The following SLC24A2 variants were observed in gnomAD, a reference collection of about 807,000 sequenced individuals.
SLC24A2 encodes the protein sodium/potassium/calcium exchanger 2.
In SLC24A2, 36 loss-of-function variants were observed where a neutral mutation model predicts 62.0. That is an observed-to-expected ratio of 0.58 (90% CI 0.44 to 0.77). SLC24A2 has a LOEUF of 0.77. Among genes scored for constraint, SLC24A2 ranks in the 30% least tolerant of loss-of-function variants. The pLI, the probability that SLC24A2 is intolerant of heterozygous loss-of-function variation, is 0.00. For missense variants in SLC24A2, 846 were observed against 817.9 expected (o/e 1.03, Z -0.42); for synonymous variants, 358 against 294.0 (o/e 1.22, Z -2.23).
At chr9:20,251,617 A>G in the SLC24A2 span, among the ~76,000 whole-genome samples, 1 of 152,236 alleles carries the variant, frequency 6.6e-6, no homozygotes, top group Admixed American at 6.5e-5. Context: ...ATTACGTAAT[A>G]AACTGGTCAA....
chr9:20,030,700 C>T, the SLC24A2 span, among the ~76,000 whole-genome samples: 2,255 of 152,250 alleles, frequency 0.015, 57 homozygotes, highest in African/African-American at 0.052. Context: ...GTAAATACTA[C>T]CTCATTTAAT....
the SLC24A2 span, among the ~76,000 whole-genome samples, chr9:19,799,047 A>C: frequency 1.4e-4 from 21 of 152,278 alleles, no homozygotes; most frequent in Middle Eastern, 6.8e-3. Flanking sequence ...AAGCTTCTAC[A>C]CTATTCTACT....
chr9:19,593,197 G>C (rs1390780046), intron 5 of SLC24A2, among the ~76,000 whole-genome samples: 2 of 152,214 alleles, frequency 1.3e-5, no homozygotes, highest in African/African-American at 2.4e-5. Context: ...CCACTGGGCT[G>C]TTCCAGCACC....
At chr9:20,013,379 C>A in the SLC24A2 span, among the ~76,000 whole-genome samples, 1 of 152,064 alleles carries the variant, frequency 6.6e-6, no homozygotes, top group Non-Finnish European at 1.5e-5. Context: ...AAAATTAGAG[C>A]CTTATAGCCT....
the SLC24A2 span, among the ~76,000 whole-genome samples, chr9:20,216,991 T>A: frequency 6.6e-6 from 1 of 152,166 alleles, no homozygotes; most frequent in Non-Finnish European, 1.5e-5. Context: ...TGGTTAGAAC[T>A]GAATCAAATG....
chr9:19,600,434 C>G (rs1363654186), intron 4 of SLC24A2, among the ~76,000 whole-genome samples: 1 of 152,182 alleles, frequency 6.6e-6, no homozygotes, highest in Non-Finnish European at 1.5e-5. Flanking sequence ...GATGTAACAA[C>G]TCCCAATTGT....
the SLC24A2 span, among the ~76,000 whole-genome samples, chr9:20,164,986 G>C: frequency 8.5e-6 from 1 of 118,336 alleles, no homozygotes. Context: ...GACTGTTGTG[G>C]GGTGGGGGGA....
At chr9:19,844,915 G>T in the SLC24A2 span, among the ~76,000 whole-genome samples, 1 of 147,854 alleles carries the variant, frequency 6.8e-6, no homozygotes, top group African/African-American at 2.5e-5. Flanking sequence ...TTTGGTTTCT[G>T]TAGCCTTAGT....
chr9:19,590,557 C>T (rs1836521013), intron 5 of SLC24A2, among the ~76,000 whole-genome samples: 1 of 152,128 alleles, frequency 6.6e-6, no homozygotes, highest in African/African-American at 2.4e-5. Flanking sequence ...TCTACCCAAG[C>T]GGACTTCCTG....
chr9:20,166,492 G>C, the SLC24A2 span, among the ~76,000 whole-genome samples: 1 of 151,886 alleles, frequency 6.6e-6, no homozygotes, highest in Non-Finnish European at 1.5e-5. Flanking sequence ...GAAGATCTCT[G>C]TAAATTGATA....
the SLC24A2 span, among the ~76,000 whole-genome samples, chr9:20,167,313 T>A: frequency 3.3e-5 from 5 of 151,974 alleles, no homozygotes; most frequent in African/African-American, 1.2e-4. Flanking sequence ...CTGAAAAAAT[T>A]TTTTGTGTCT....
At chr9:20,016,109 G>C in the SLC24A2 span, among the ~76,000 whole-genome samples, 3 of 152,280 alleles carry the variant, frequency 2.0e-5, no homozygotes, top group African/African-American at 7.2e-5. Context: ...TGAACTATAA[G>C]AGGAATGTAT....
chr9:19,888,350 C>T, the SLC24A2 span, among the ~76,000 whole-genome samples: 1 of 152,080 alleles, frequency 6.6e-6, no homozygotes, highest in Non-Finnish European at 1.5e-5. Context: ...GCCCTTATTT[C>T]TTCTGCCTTT....
chr9:20,059,247 A>T, the SLC24A2 span, among the ~76,000 whole-genome samples: 1 of 152,212 alleles, frequency 6.6e-6, no homozygotes, highest in South Asian at 2.1e-4. Flanking sequence ...GAACATTTAG[A>T]GAGAAGATCA....
the SLC24A2 span, among the ~76,000 whole-genome samples, chr9:19,924,002 C>G: frequency 0.95 from 145,294 of 152,294 alleles, 69,697 homozygotes; most frequent in East Asian, 1. Flanking sequence ...GCCTCCCAAA[C>G]GGCTGAGATT....
At chr9:20,231,004 T>C in the SLC24A2 span, among the ~76,000 whole-genome samples, 1 of 152,156 alleles carries the variant, frequency 6.6e-6, no homozygotes, top group African/African-American at 2.4e-5. Flanking sequence ...CTTTCCCCAT[T>C]GCTTGTTTTT....
chr9:19,552,107 C>G (rs1037190121), intron 7 of SLC24A2, among the ~76,000 whole-genome samples: 4 of 152,186 alleles, frequency 2.6e-5, no homozygotes, highest in Admixed American at 6.5e-5. Flanking sequence ...CTCACACTCC[C>G]TATTTCTTTC....
the SLC24A2 span, among the ~76,000 whole-genome samples, chr9:19,942,178 T>C: frequency 3.2e-4 from 48 of 152,326 alleles, no homozygotes; most frequent in Admixed American, 1.8e-3. Flanking sequence ...ATATCTTGTT[T>C]AGTAATTTTC....
At chr9:20,146,438 A>C in the SLC24A2 span, among the ~76,000 whole-genome samples, 1 of 152,236 alleles carries the variant, frequency 6.6e-6, no homozygotes, top group Admixed American at 6.5e-5. Flanking sequence ...ATAATTTATT[A>C]TTGCCTAATT....
Sources: gnomAD v4.1 joint callset for allele counts (sites outside exome capture counted in the v4.1 genomes callset) on GRCh38, gnomAD v4.1.1 for gene constraint, MANE v1.5 for transcripts, NCBI Gene and HGNC (gene_info 2026-07-23, HGNC 2026-07-21) for gene names.